Variants in IQGAP1 observed in about 807,000 individuals in gnomAD.
IQGAP1 encodes the protein IQ motif containing GTPase activating protein 1.
In IQGAP1, 66 loss-of-function variants were observed where a neutral mutation model predicts 215.6. The observed-to-expected ratio is 0.31, with a 90% CI of 0.25 to 0.38. The LOEUF (loss-of-function observed/expected upper bound fraction) is 0.38. Among genes scored for constraint, IQGAP1 ranks in the 10% least tolerant of loss-of-function variants. The probability of loss-of-function intolerance (pLI) is 1.00; values close to 1 mark genes in which losing one functional copy is unlikely to be tolerated. For synonymous variants in IQGAP1, 772 were observed against 728.7 expected (o/e 1.06, Z -0.96); for missense variants, 1,712 against 1,997.1 (o/e 0.86, Z 2.72).
intron 15 of IQGAP1, among the ~76,000 whole-genome samples, chr15:90,460,815 A>G (rs1424627830): frequency 6.6e-6 from 1 of 151,986 alleles, no homozygotes; most frequent in Non-Finnish European, 1.5e-5. Context: ...GCTGGGCAAG[A>G]TGGTAAAACC....
Position 90,440,757 on chromosome 15 carries a change from C to T in IQGAP1, c.649+142C>T, listed in dbSNP as rs966775830. The T allele has an allele frequency of 1.5e-5, 9 of 595,362 alleles. No individual in the cohort carries two copies. In the African/African-American group the frequency reaches 1.7e-4, roughly 11 times the overall value. The allele number at this position is 595,362 out of a possible 1,614,324, so 36.9% of individuals were successfully genotyped here. A position where few individuals can be genotyped will look rare whatever the true frequency, so the allele number is the denominator to read the frequency against. ...GATGTAGTTGTAAACACATAGTCTT[C>T]CATGCTGTTATTATTTGGAAATACA... is the stretch of plus-strand genomic sequence containing the variant. On this transcript the variant is annotated intron_variant, in intron 7 of 37. Coordinates refer to ENST00000268182, the MANE Select transcript of IQGAP1 (RefSeq NM_003870.4).
chr15:90,478,564 G>T (rs1012244080), intron 26 of IQGAP1, among the ~76,000 whole-genome samples: 5 of 152,162 alleles, frequency 3.3e-5, no homozygotes, highest in African/African-American at 1.2e-4. Flanking sequence ...TTCTTTAATG[G>T]AGACTTTATA....
rs766201962 is a variant in IQGAP1 at position 90,426,077 on chromosome 15, T to TTC, written c.156-31_156-30dup. 10 of 1,574,072 alleles carry TTC rather than the reference T, an allele frequency of 6.4e-6. No individual in the cohort carries two copies. The Admixed American group carries it at 1.2e-4, about 19-fold the overall frequency. On this transcript the variant is annotated intron_variant, in intron 2 of 37. Transcript: ENST00000268182. ...CTAAGGAAAAGTTCTGACCTTCCCT[T>TTC]TCTTTTTTTGCATCCTCTCTCCTTT...
chr15:90,413,109 G>A (rs1432167040), intron 2 of IQGAP1, among the ~76,000 whole-genome samples: 1 of 151,980 alleles, frequency 6.6e-6, no homozygotes, highest in Non-Finnish European at 1.5e-5. Flanking sequence ...GGCCAAGTAT[G>A]TACTCCCTTT....
chr15:90,402,299 T>TA (rs1276957694), intron 2 of IQGAP1, among the ~76,000 whole-genome samples: 2 of 152,244 alleles, frequency 1.3e-5, no homozygotes, highest in African/African-American at 4.8e-5. Context: ...TCTTGTTTGT[T>TA]AAAGAGTTAC....
intron 9 of IQGAP1, among the ~76,000 whole-genome samples, chr15:90,445,847 GT>G (rs11320197): frequency 0.52 from 72,999 of 140,548 alleles, 18,848 homozygotes; most frequent in East Asian, 0.7. Context: ...TTTTTTTTGG[GT>G]TTTTTTTTTT....
At chr15:90,403,626 T>G (rs1964835090) in intron 2 of IQGAP1, among the ~76,000 whole-genome samples, 1 of 152,224 alleles carries the variant, frequency 6.6e-6, no homozygotes, top group Admixed American at 6.5e-5. Flanking sequence ...TACAAATTAC[T>G]TTGATTTGTT....
At chr15:90,476,122 A>G (rs1300968925) in intron 23 of IQGAP1, among the ~76,000 whole-genome samples, 2 of 152,034 alleles carry the variant, frequency 1.3e-5, no homozygotes, top group African/African-American at 2.4e-5. Context: ...TATAAGAGAT[A>G]GGGTATCTTT....
intron 22 of IQGAP1, 131 bp downstream of exon 22, chr15:90,474,264 G>C (rs929109336): frequency 4.6e-6 from 4 of 861,992 alleles, no homozygotes; most frequent in Non-Finnish European, 7.1e-6. Context: ...TGTGACATAA[G>C]CCCCTTTGCT....
At chr15:90,426,327 A>G in intron 3 of IQGAP1, 61 bp downstream of exon 3, 2 of 1,540,686 alleles carry the variant, frequency 1.3e-6, no homozygotes, top group Non-Finnish European at 1.7e-6. Flanking sequence ...AGCATGTTTT[A>G]TTTTGTGTAA....
chr15:90,388,577 T>C (rs1163370291), intron 1 of IQGAP1, among the ~76,000 whole-genome samples, 181 bp downstream of exon 1: 2 of 151,820 alleles, frequency 1.3e-5, no homozygotes, highest in Non-Finnish European at 2.9e-5. Flanking sequence ...TCGCGCCCCC[T>C]CGGGGTCCGA....
rs73482591 is a variant in IQGAP1, at chr15:90,453,866, C to A, written c.1488-562C>A. Reference sequence around the variant, plus strand: ...TTTTGATGATGTGTATTTCATATTGCCTCATATCAATAGGCATATAAAACC... The same window carrying A: ...TTTTGATGATGTGTATTTCATATTGACTCATATCAATAGGCATATAAAACC... On this transcript the variant is annotated intron_variant, in intron 13 of 37. Transcript: ENST00000268182. 4.8e-3 allele frequency among the ~76,000 whole-genome samples: 730 copies of A among 152,248 alleles called. 10 individuals carry two copies. The highest frequency in any genetic ancestry group is 0.017 in the African/African-American group (716 of 41,532).
At chr15:90,455,568 A>G (rs1247643253) in intron 14 of IQGAP1, among the ~76,000 whole-genome samples, 2 of 152,210 alleles carry the variant, frequency 1.3e-5, no homozygotes, top group Admixed American at 6.5e-5. Flanking sequence ...ACGGCTGCCT[A>G]AGATACCTGG....
chr15:90,401,135 T>G (rs1964798634), intron 2 of IQGAP1, among the ~76,000 whole-genome samples: 1 of 152,188 alleles, frequency 6.6e-6, no homozygotes, highest in South Asian at 2.1e-4. Flanking sequence ...CTGGAGGGCC[T>G]GTGGCCTACC....
At chr15:90,474,035 A>G in intron 21 of IQGAP1, 29 bp from the exon 22 acceptor site, 3 of 1,583,454 alleles carry the variant, frequency 1.9e-6, no homozygotes, top group Non-Finnish European at 2.6e-6. Context: ...ACAGATGAAC[A>G]GAGAAATTTC....
intron 2 of IQGAP1, among the ~76,000 whole-genome samples, chr15:90,411,813 A>G (rs1320595557): frequency 6.6e-6 from 1 of 152,216 alleles, no homozygotes; most frequent in African/African-American, 2.4e-5. Context: ...GGATGGATAG[A>G]TAGACAGCTG....
At chr15:90,466,503 G>C (rs753522390) in intron 17 of IQGAP1, 67 bp downstream of exon 17, 71 of 1,457,876 alleles carry the variant, frequency 4.9e-5, no homozygotes, top group Non-Finnish European at 6.3e-5. Context: ...GACAGATGTA[G>C]AGGAAAGGGA....
rs528295095 is a variant in IQGAP1, at chr15:90,474,591, A to G, written c.2682A>G (p.Glu894=). 1.3e-4 allele frequency: 207 copies of G among 1,614,050 alleles called. 3 individuals are homozygous for G. The South Asian group carries it at 2.2e-3, about 17-fold the overall frequency. The part of the protein sequence containing the change: ...QEELDLMKMR[E]EVITLIRSNQ... ...AGCTTGACCTTATGAAGATGCGGGA[A>G]GAGGTTATCACCCTCATTCGTTCTA... Residue 894 remains glutamate, a synonymous_variant, in exon 23 of 38, where the codon GAA becomes GAG. Coordinates refer to ENST00000268182, the MANE Select transcript of IQGAP1 (RefSeq NM_003870.4).
intron 36 of IQGAP1, 180 bp from the exon 37 acceptor site, chr15:90,497,052 G>A (rs942221836): frequency 1.9e-6 from 1 of 517,766 alleles, no homozygotes; most frequent in Non-Finnish European, 3.5e-6. Context: ...CCAAGTCCCA[G>A]AGCAGATGGT....
Sources: allele counts gnomAD v4.1 joint callset (sites outside exome capture counted in the v4.1 genomes callset), GRCh38; gene constraint gnomAD v4.1.1; transcripts MANE v1.5; gene names NCBI Gene and HGNC (gene_info 2026-07-23, HGNC 2026-07-21).